The following SLC18A1 variants were observed in gnomAD, a reference collection of about 807,000 sequenced individuals.
SLC18A1 encodes the protein solute carrier family 18 member A1, also known as chromaffin granule amine transporter.
A neutral mutation model predicts 53.7 loss-of-function variants in SLC18A1; 69 were observed. The observed-to-expected ratio is 1.28, with a 90% CI of 1.06 to 1.57. The LOEUF (loss-of-function observed/expected upper bound fraction) is 1.57. Ranked by LOEUF, SLC18A1 falls within the 40% of genes most tolerant of loss-of-function variation. The pLI, the probability that SLC18A1 is intolerant of heterozygous loss-of-function variation, is 0.00. For synonymous variants in SLC18A1, 320 were observed against 248.1 expected (o/e 1.29, Z -2.72); for missense variants, 932 against 668.1 (o/e 1.40, Z -4.35).
chr8:20,146,191 A>G (rs1446627360), intron 15 of SLC18A1, among the ~76,000 whole-genome samples: 2 of 152,276 alleles, frequency 1.3e-5, no homozygotes, highest in South Asian at 2.1e-4. Flanking sequence ...CTGGGATTAC[A>G]GGCGTGAGCC....
At chr8:20,149,094 C>T (rs2128867615) in intron 12 of SLC18A1, among the ~76,000 whole-genome samples, 1 of 152,270 alleles carries the variant, frequency 6.6e-6, no homozygotes, top group Middle Eastern at 3.4e-3. Flanking sequence ...TCTTCTCTCC[C>T]TCAGGCCTAG....
At chr8:20,159,573 C>G (rs1372912687) in intron 10 of SLC18A1, among the ~76,000 whole-genome samples, 1 of 135,952 alleles carries the variant, frequency 7.4e-6, no homozygotes, top group Non-Finnish European at 1.5e-5. Context: ...TGGCAATTCC[C>G]TTTGGGCCGC....
At chr8:20,152,159 T>C (rs571638808) in intron 10 of SLC18A1, among the ~76,000 whole-genome samples, 9 of 152,284 alleles carry the variant, frequency 5.9e-5, no homozygotes, top group Admixed American at 1.3e-4. Flanking sequence ...GAAATTAAGA[T>C]GTCTTAAAGA....
chr8:20,171,366 C>T (rs17222169), intron 7 of SLC18A1, 39 bp downstream of exon 7: 8 of 1,559,344 alleles, frequency 5.1e-6, no homozygotes, highest in Non-Finnish European at 7.1e-6. Flanking sequence ...CCAACCTGAC[C>T]TGGGCTGTCA....
intron 10 of SLC18A1, among the ~76,000 whole-genome samples, chr8:20,162,757 C>A (rs57254979): frequency 4.2e-4 from 64 of 152,320 alleles, no homozygotes; most frequent in African/African-American, 1.4e-3. Context: ...ATTCTGGTCA[C>A]AACCTCTTAA....
At chr8:20,172,280 T>C (rs1032527922) in intron 6 of SLC18A1, among the ~76,000 whole-genome samples, 1 of 152,188 alleles carries the variant, frequency 6.6e-6, no homozygotes, top group Non-Finnish European at 1.5e-5. Context: ...AGCTTGGGCA[T>C]TTGGGTTGAT....
chr8:20,178,992 G>A (rs1057211074), intron 3 of SLC18A1, 129 bp downstream of exon 3: 3 of 1,133,132 alleles, frequency 2.6e-6, no homozygotes, highest in Admixed American at 2.8e-5. Flanking sequence ...CGAGCTTTCC[G>A]AATAGCTGAC....
At chr8:20,155,947 G>A (rs1010614761) in intron 10 of SLC18A1, among the ~76,000 whole-genome samples, 2 of 152,196 alleles carry the variant, frequency 1.3e-5, no homozygotes, top group Non-Finnish European at 2.9e-5. Context: ...TAGGAGGATT[G>A]CTCTGCCATT....
At chr8:20,169,934 C>A (rs1183653909) in intron 8 of SLC18A1, among the ~76,000 whole-genome samples, 2 of 152,224 alleles carry the variant, frequency 1.3e-5, no homozygotes, top group Non-Finnish European at 1.5e-5. Context: ...GCTGGATTTA[C>A]TTGCTGAGTA....
chr8:20,164,178 C>A (rs900789278), intron 10 of SLC18A1, among the ~76,000 whole-genome samples: 55 of 152,112 alleles, frequency 3.6e-4, no homozygotes, highest in African/African-American at 1.2e-3. Flanking sequence ...AGTGATGGAG[C>A]AATTTGCACG....
At chr8:20,154,394 A>G (rs1020910565) in intron 10 of SLC18A1, among the ~76,000 whole-genome samples, 1 of 152,210 alleles carries the variant, frequency 6.6e-6, no homozygotes, top group African/African-American at 2.4e-5. Context: ...GACAGCTTTA[A>G]TGAATGAGGA....
chr8:20,174,085 T>C (rs1026143800), intron 5 of SLC18A1, among the ~76,000 whole-genome samples: 1 of 151,894 alleles, frequency 6.6e-6, no homozygotes, highest in Non-Finnish European at 1.5e-5. Context: ...TTTTTTTTAA[T>C]AGAAATAGGG....
chr8:20,147,433 C>G, intron 14 of SLC18A1, 42 bp from the exon 15 acceptor site: 1 of 1,587,480 alleles, frequency 6.3e-7, no homozygotes. Flanking sequence ...TATGGAGCCT[C>G]CATATGGAGC....
At position 20,180,877 on chromosome 8, in the gene SLC18A1, C is replaced by T. The variant is rs772241617; in HGVS notation, c.88G>A (p.Ala30Thr). ...RQLVLVVVFV[A>T]LLLDNMLFTV... ...AACAGCATGTTGTCCAGGAGCAAAG[C>T]GACGAATACCACCACCAGCACCAGC... The change falls in exon 2 of 16, where the codon GCT (alanine) becomes ACT (threonine). Residue 30 changes from alanine to threonine, a missense_variant. Ala to Thr is a moderately conservative substitution (Grantham distance 58, BLOSUM62 0). Transcript: ENST00000276373. 39 of 1,613,858 alleles carry T rather than the reference C, an allele frequency of 2.4e-5. No homozygotes were observed. The highest frequency in any genetic ancestry group is 1.6e-4 in the African/African-American group (12 of 74,912).
chr8:20,167,977 G>A (rs925544458), intron 8 of SLC18A1, among the ~76,000 whole-genome samples: 1 of 152,014 alleles, frequency 6.6e-6, no homozygotes, highest in Admixed American at 6.6e-5. Flanking sequence ...GCTCCTTGGG[G>A]AAATGAATTC....
In SLC18A1 at chr8:20,171,407, C is replaced by A; in HGVS notation, c.812G>T (p.Gly271Val). ...TGGAGGCTCTGATGGTGACTTACCT[C>A]CATCCAGTAGTGCCAGGAAGGCCAG... is the stretch of plus-strand genomic sequence containing the variant. ...LILAFLALLD[G>V]ALQLCILQPS... The change falls in exon 7 of 16, where the codon GGA becomes GTA. Residue 271 changes from glycine (G) to valine (V), a missense_variant and splice_region_variant. Coordinates refer to ENST00000276373, the MANE Select transcript of SLC18A1 (RefSeq NM_003053.4). 1 of 1,613,248 alleles carries A rather than the reference C, an allele frequency of 6.2e-7. No homozygotes were observed. Among genetic ancestry groups the A allele is most frequent in the Non-Finnish European group, 8.5e-7 (1 of 1,179,234 alleles).
chr8:20,157,984 C>T (rs371387890), intron 10 of SLC18A1, among the ~76,000 whole-genome samples: 28 of 152,208 alleles, frequency 1.8e-4, no homozygotes, highest in African/African-American at 6.8e-4. Context: ...CTCATCTATG[C>T]CCCTTATGTC....
In SLC18A1 at chr8:20,147,399, G is replaced by A; in HGVS notation, c.1331-8C>T. 3 of 1,602,780 alleles carry A rather than the reference G, an allele frequency of 1.9e-6. No homozygotes were observed. Among genetic ancestry groups the A allele is most frequent in the Non-Finnish European group, 2.6e-6 (3 of 1,175,576 alleles). On this transcript the variant is annotated splice_polypyrimidine_tract_variant and splice_region_variant and intron_variant, in intron 14 of 15. Coordinates refer to ENST00000276373, the MANE Select transcript of SLC18A1 (RefSeq NM_003053.4). ...CACCACCGGTGGATGGACCTGGGAG[G>A]GATACATCAAAGTCATAAGTGTCTA... is the stretch of plus-strand genomic sequence containing the variant.
Position 20,179,210 on chromosome 8 carries a change from C to G in SLC18A1, c.399G>C (p.Glu133Asp), listed in dbSNP as rs113046456. ...GAACCCCGACCCGGGTAATCTCTTCCTCCAAGAAACCTGTGCCTTGCAAGC... is the reference window on the plus strand; with the variant it reads ...GAACCCCGACCCGGGTAATCTCTTCGTCCAAGAAACCTGTGCCTTGCAAGC... The part of the protein sequence containing the change: ...NNCLQGTGFL[E>D]EEITRVGVLF... Residue 133 changes from glutamate (E) to aspartate (D), a missense_variant, in exon 3 of 16, where the codon GAG becomes GAC. Physicochemically the swap from Glu to Asp is conservative, Grantham distance 45. Transcript: ENST00000276373. 8.2e-5 allele frequency: 132 copies of G among 1,614,186 alleles called. No homozygotes were observed. The African/African-American group carries it at 1.4e-3, about 17-fold the overall frequency.
Sources: gnomAD v4.1 joint callset for allele counts (sites outside exome capture counted in the v4.1 genomes callset) on GRCh38, gnomAD v4.1.1 for gene constraint, MANE v1.5 for transcripts, NCBI Gene and HGNC (gene_info 2026-07-23, HGNC 2026-07-21) for gene names.